Variants in CD33 observed in about 807,000 individuals in gnomAD.
The protein encoded by CD33 is CD33 molecule.
Under a neutral mutation model 31.4 loss-of-function variants are expected in CD33, and 25 were observed. That is an observed-to-expected ratio of 0.80 (90% CI 0.58 to 1.11). The LOEUF (loss-of-function observed/expected upper bound fraction) is 1.11. Among genes scored for constraint, CD33 ranks in the 50% most tolerant of loss-of-function variants. The pLI is 0.00. For synonymous variants in CD33, 176 were observed against 180.6 expected, an observed-to-expected ratio of 0.97 and a Z score of 0.20; for missense variants, 407 against 448.1, an observed-to-expected ratio of 0.91 and a Z score of 0.83.
intron 4 of CD33, among the ~76,000 whole-genome samples, chr19:51,233,272 T>C (rs1981548023): frequency 6.6e-6 from 1 of 152,222 alleles, no homozygotes. Flanking sequence ...GTCTCTCCCA[T>C]TCAGGTGAGC....
upstream of CD33, among the ~76,000 whole-genome samples, chr19:51,222,648 G>A (rs1331184800): frequency 1.3e-5 from 2 of 152,036 alleles, no homozygotes; most frequent in Admixed American, 1.3e-4. Context: ...TTTTCAAATA[G>A]ACTAACTCAC....
chr19:51,215,105 T>C, the CD33 span, among the ~76,000 whole-genome samples: 1 of 152,188 alleles, frequency 6.6e-6, no homozygotes, highest in Non-Finnish European at 1.5e-5. Context: ...CTTCTCTGCC[T>C]CTGCCTCACC....
chr19:51,213,201 C>T, the CD33 span, among the ~76,000 whole-genome samples: 8 of 152,106 alleles, frequency 5.3e-5, no homozygotes, highest in African/African-American at 9.7e-5. Flanking sequence ...TGGTTTTTGC[C>T]AATGTCAGGT....
chr19:51,234,228 C>T (rs1175526553), intron 4 of CD33, among the ~76,000 whole-genome samples: 2 of 152,176 alleles, frequency 1.3e-5, no homozygotes, highest in East Asian at 3.8e-4. Context: ...CGGCCATCAG[C>T]ATCCCCCATC....
At chr19:51,235,944 G>T (rs1044196296) in intron 6 of CD33, 1 of 696,576 alleles carries the variant, frequency 1.4e-6, no homozygotes, top group Non-Finnish European at 2.6e-6. Context: ...GGATCACGAG[G>T]TCAGGAGATT....
rs188461905 is a variant in CD33 at position 51,235,446 on chromosome 19, G to A, written c.843-149G>A. On this transcript the variant is annotated intron_variant, in intron 5 of 6. Transcript: ENST00000262262. ...GATCTCAGATGTCCAAGGAGTGGGA[G>A]GTAGAGGGAGACCTTGTGACTAAGT... 2.7e-4 allele frequency: 375 copies of A among 1,396,350 alleles called. 6 individuals carry two copies. In the East Asian group the frequency reaches 7.2e-3, roughly 27 times the overall value. The allele number at this position is 1,396,350 out of a possible 1,614,324, so 86.5% of individuals were successfully genotyped here. A position where few individuals can be genotyped will look rare whatever the true frequency, so the allele number is the denominator to read the frequency against.
At chr19:51,227,354 C>T (rs914051114) in intron 4 of CD33, among the ~76,000 whole-genome samples, 1 of 152,164 alleles carries the variant, frequency 6.6e-6, no homozygotes, top group African/African-American at 2.4e-5. Context: ...TAAGAGTTCC[C>T]TCTTCTCTAC....
At chr19:51,228,862 C>A (rs1433885113) in intron 4 of CD33, among the ~76,000 whole-genome samples, 1 of 152,186 alleles carries the variant, frequency 6.6e-6, no homozygotes, top group East Asian at 1.9e-4. Flanking sequence ...GACAATTTGA[C>A]TTCCGCCTTT....
rs2123296565 is a variant in CD33 at position 51,235,217 on chromosome 19, C to A, written c.806C>A (p.Ala269Asp). Residue 269 changes from alanine (A) to aspartate (D), a missense_variant, in exon 5 of 7, where the codon GCC becomes GAC. By Grantham distance (126) the Ala-to-Asp change is moderately radical. Transcript: ENST00000262262. ...HGAIGGAGVT[A>D]LLALCLCLIF... ...GCCATTGGAGGAGCTGGTGTTACAG[C>A]CCTGCTCGCTCTTTGTCTCTGCCTC... The A allele has an allele frequency of 6.2e-7, 1 of 1,614,112 alleles. No individual in the cohort carries two copies. The highest frequency in any genetic ancestry group is 1.3e-5 in the African/African-American group (1 of 75,042).
chr19:51,224,153 T>A (rs893560411), upstream of CD33, among the ~76,000 whole-genome samples: 1 of 151,464 alleles, frequency 6.6e-6, no homozygotes, highest in Non-Finnish European at 1.5e-5. Flanking sequence ...TTTAAGGATT[T>A]AGGGTGGGAG....
chr19:51,218,546 C>T, the CD33 span, among the ~76,000 whole-genome samples: 1 of 152,132 alleles, frequency 6.6e-6, no homozygotes, highest in Non-Finnish European at 1.5e-5. Context: ...TCCTGTTTAT[C>T]TATTTTTTGT....
chr19:51,214,782 A>G, the CD33 span, among the ~76,000 whole-genome samples: 95 of 152,304 alleles, frequency 6.2e-4, no homozygotes, highest in African/African-American at 2.2e-3. Context: ...TTTGTGAGCT[A>G]TCATTTCACT....
chr19:51,229,603 C>T (rs1022182397), intron 4 of CD33, among the ~76,000 whole-genome samples: 1 of 151,872 alleles, frequency 6.6e-6, no homozygotes, highest in Admixed American at 6.6e-5. Context: ...GTTTTCTATA[C>T]CTTCTTGATT....
chr19:51,231,607 T>G (rs1184195590), intron 4 of CD33, among the ~76,000 whole-genome samples: 4 of 151,356 alleles, frequency 2.6e-5, no homozygotes, highest in Non-Finnish European at 4.4e-5. Flanking sequence ...GCTGATGTTT[T>G]TTTTTTTTTT....
At chr19:51,218,416 C>T in the CD33 span, among the ~76,000 whole-genome samples, 30 of 152,106 alleles carry the variant, frequency 2.0e-4, no homozygotes, top group Admixed American at 5.9e-4. Context: ...CTTGTACATT[C>T]TGGATATTAG....
At chr19:51,211,812 A>G in the CD33 span, 7 of 921,806 alleles carry the variant, frequency 7.6e-6, no homozygotes, top group Non-Finnish European at 1.2e-5. Flanking sequence ...CAGGCCCAGC[A>G]TCTTCATCCC....
chr19:51,217,988 G>A, the CD33 span, among the ~76,000 whole-genome samples: 5,818 of 152,266 alleles, frequency 0.038, 153 homozygotes, highest in Non-Finnish European at 0.054. Flanking sequence ...GAATAGTGCT[G>A]CTACAAACAT....
intron 6 of CD33, chr19:51,236,003 A>G: frequency 1.7e-6 from 1 of 594,186 alleles, no homozygotes; most frequent in African/African-American, 1.9e-5. Flanking sequence ...CTAAAAATAC[A>G]AAAAATTAGC....
rs1981027828 is a variant in CD33, at chr19:51,226,308, G to T, written c.698-1G>T. 6.2e-7 allele frequency: 1 copy of T among 1,613,832 alleles called. No individual in the cohort carries two copies. The highest frequency in any genetic ancestry group is 8.5e-7 in the Non-Finnish European group (1 of 1,179,794). Reference sequence around the variant, plus strand: ...AAGGAAATCCTCTCTTCCTCTCCTAGATGTTCCACAGAACCCAACAACTGG... The same window carrying T: ...AAGGAAATCCTCTCTTCCTCTCCTATATGTTCCACAGAACCCAACAACTGG... On this transcript the variant is annotated splice_acceptor_variant, in intron 3 of 6. Coordinates refer to ENST00000262262, the MANE Select transcript of CD33 (RefSeq NM_001772.4). LOFTEE classifies it high-confidence loss of function.
Sources: gnomAD v4.1 joint callset for allele counts (sites outside exome capture counted in the v4.1 genomes callset) on GRCh38, gnomAD v4.1.1 for gene constraint, MANE v1.5 for transcripts, NCBI Gene and HGNC (gene_info 2026-07-23, HGNC 2026-07-21) for gene names.